Variants in RASGRF1 observed in about 807,000 individuals in gnomAD.
RASGRF1 encodes ras-specific guanine nucleotide-releasing factor 1.
A neutral mutation model predicts 138.7 loss-of-function variants in RASGRF1; 40 were observed. The observed-to-expected ratio is 0.29, with a 90% CI of 0.22 to 0.38. The LOEUF is 0.38. Among genes scored for constraint, RASGRF1 ranks in the 10% least tolerant of loss-of-function variants. The pLI is 1.00. For synonymous variants in RASGRF1, 614 were observed against 663.2 expected (o/e 0.93, Z 1.14); for missense variants, 1,108 against 1,650.4 (o/e 0.67, Z 5.69).
chr15:79,032,257 G>C lies in RASGRF1; in HGVS notation c.1018C>G (p.His340Asp). The C allele has an allele frequency of 6.2e-7, 1 of 1,614,058 alleles. No individual in the cohort carries two copies. The highest frequency in any genetic ancestry group is 8.5e-7 in the Non-Finnish European group (1 of 1,179,968). The change falls in exon 7 of 27, where the codon CAC becomes GAC. Residue 340 changes from histidine (H) to aspartate (D), a missense_variant. Coordinates refer to ENST00000558480, the MANE Select transcript of RASGRF1 (RefSeq NM_001145648.3). This position sits in a 1 kb window ranked among gnomAD's most constrained non-coding sequence, Gnocchi z 4.5. ...LNIYQEFVRN[H>D]QYSLQILAHC... is the part of the protein sequence containing the mutation. ...GCCAGGATCTGCAGGCTGTACTGGTGGTTGCGGACGAACTCTTGGTAGATG... is the reference window on the plus strand; with the variant it reads ...GCCAGGATCTGCAGGCTGTACTGGTCGTTGCGGACGAACTCTTGGTAGATG...
intron 13 of RASGRF1, among the ~76,000 whole-genome samples, chr15:79,008,055 C>T (rs1192713406): frequency 6.6e-6 from 1 of 151,816 alleles, no homozygotes; most frequent in Non-Finnish European, 1.5e-5. Flanking sequence ...GTTGGCCAGG[C>T]TGGTCTCAAA....
intron 13 of RASGRF1, among the ~76,000 whole-genome samples, chr15:79,011,419 T>C (rs2056792858): frequency 1.3e-5 from 2 of 152,178 alleles, no homozygotes; most frequent in South Asian, 4.1e-4. Flanking sequence ...GAGGGACCAA[T>C]GGCACTAAAT....
chr15:79,035,325 C>T (rs1165269294), intron 5 of RASGRF1, 115 bp from the exon 6 acceptor site: 1 of 781,444 alleles, frequency 1.3e-6, no homozygotes, highest in Non-Finnish European at 2.0e-6. Context: ...TCATGTGAGA[C>T]CTTAACGTGA....
At chr15:79,076,376 C>A (rs2141090610) in intron 1 of RASGRF1, among the ~76,000 whole-genome samples, 1 of 152,240 alleles carries the variant, frequency 6.6e-6, no homozygotes, top group Admixed American at 6.5e-5. Flanking sequence ...AGTTTGGAAC[C>A]CCTGAGGGAG....
intron 1 of RASGRF1, among the ~76,000 whole-genome samples, chr15:79,069,308 T>C (rs1750038445): frequency 6.6e-6 from 1 of 152,204 alleles, no homozygotes; most frequent in African/African-American, 2.4e-5. Flanking sequence ...TTGCACTTGC[T>C]AATAATGATT....
rs1391972412 is a variant in RASGRF1, at chr15:79,027,657, T to A, written c.1381+84A>T. The A allele has an allele frequency of 3.1e-6, 4 of 1,270,898 alleles. No individual in the cohort carries two copies. The Admixed American group carries it at 7.5e-5, about 24-fold the overall frequency. The allele number at this position is 1,270,898 out of a possible 1,614,324, so 78.7% of individuals were successfully genotyped here. On this transcript the variant is annotated intron_variant, in intron 9 of 26. Coordinates refer to ENST00000558480, the MANE Select transcript of RASGRF1 (RefSeq NM_001145648.3). The surrounding 1 kb of genome is among the most constrained non-coding windows in gnomAD (Gnocchi z 4.8). ...CTTGGCATGTGGCAGCCAAACCAAC[T>A]GGTGGCGTCCCCGAGTGCCGCCTCC...
At chr15:78,966,470 C>T (rs919486615) in intron 26 of RASGRF1, among the ~76,000 whole-genome samples, 1 of 151,934 alleles carries the variant, frequency 6.6e-6, no homozygotes, top group African/African-American at 2.4e-5. Context: ...AAACTTCTGG[C>T]CTCAAGCAAT....
chr15:79,008,970 C>A (rs1242886196), intron 13 of RASGRF1, among the ~76,000 whole-genome samples: 1 of 152,164 alleles, frequency 6.6e-6, no homozygotes, highest in Non-Finnish European at 1.5e-5. Context: ...CTTTGCCTTT[C>A]CCAAACATAA....
chr15:79,061,255 T>C (rs2057600101), intron 2 of RASGRF1, among the ~76,000 whole-genome samples: 1 of 151,978 alleles, frequency 6.6e-6, no homozygotes, highest in Non-Finnish European at 1.5e-5. Context: ...CACTGACTCT[T>C]TAATTTTAGC....
At chr15:79,023,461 A>C (rs117296430) in intron 10 of RASGRF1, among the ~76,000 whole-genome samples, 2,665 of 152,282 alleles carry the variant, frequency 0.018, 31 homozygotes, top group South Asian at 0.051. Flanking sequence ...AGCTCACAGC[A>C]ATGAGACAAG....
chr15:79,075,315 G>C (rs2057818076), intron 1 of RASGRF1, among the ~76,000 whole-genome samples: 1 of 152,182 alleles, frequency 6.6e-6, no homozygotes, highest in Non-Finnish European at 1.5e-5. Flanking sequence ...TGTCTTTGCT[G>C]GAGGAAATGT....
At chr15:78,968,250 A>ATGTGTGTGTGTGTGTGTG (rs10529968) in intron 26 of RASGRF1, among the ~76,000 whole-genome samples, 9,982 of 133,956 alleles carry the variant, frequency 0.075, 437 homozygotes, top group Non-Finnish European at 0.1. Flanking sequence ...CATGACACTG[A>ATGTGTGTGTGTGTGTGTG]TGTGTGTGTG....
intron 16 of RASGRF1, among the ~76,000 whole-genome samples, chr15:79,000,151 G>A (rs965345633): frequency 6.6e-6 from 1 of 152,164 alleles, no homozygotes; most frequent in African/African-American, 2.4e-5. Context: ...GCACACTCCT[G>A]CTTCTGAAAA....
intron 1 of RASGRF1, among the ~76,000 whole-genome samples, chr15:79,085,677 G>A (rs900454334): frequency 1.3e-5 from 2 of 152,174 alleles, no homozygotes; most frequent in Non-Finnish European, 2.9e-5. Flanking sequence ...GCAAGGCAGG[G>A]AGAAAGAGTC....
intron 1 of RASGRF1, among the ~76,000 whole-genome samples, chr15:79,079,060 C>T (rs905491162): frequency 6.6e-6 from 1 of 152,238 alleles, no homozygotes; most frequent in African/African-American, 2.4e-5. Flanking sequence ...CGAGGCTGTG[C>T]TTGACCCAAG....
intron 26 of RASGRF1, among the ~76,000 whole-genome samples, chr15:78,965,852 A>C (rs1406853258): frequency 6.6e-6 from 1 of 152,192 alleles, no homozygotes; most frequent in Non-Finnish European, 1.5e-5. Flanking sequence ...CTCCGTCTCA[A>C]AAATAAAATA....
intron 24 of RASGRF1, 145 bp downstream of exon 24, chr15:78,980,475 C>T: frequency 1.8e-6 from 1 of 569,798 alleles, no homozygotes; most frequent in Non-Finnish European, 3.1e-6. Context: ...CCATTGGGGT[C>T]CAGGAAATCT....
chr15:79,066,091 C>G (rs1567605884), intron 1 of RASGRF1, among the ~76,000 whole-genome samples: 1 of 152,034 alleles, frequency 6.6e-6, no homozygotes, highest in Non-Finnish European at 1.5e-5. Context: ...ACCCTGCCCC[C>G]CTAGAGGAGG....
chr15:79,084,607 C>T (rs2057955329), intron 1 of RASGRF1, among the ~76,000 whole-genome samples: 1 of 152,262 alleles, frequency 6.6e-6, no homozygotes, highest in Admixed American at 6.5e-5. Flanking sequence ...ACACACCACC[C>T]ACTGTCCTCC....
Sources: allele counts gnomAD v4.1 joint callset (sites outside exome capture counted in the v4.1 genomes callset), GRCh38; gene constraint gnomAD v4.1.1; non-coding constraint Gnocchi (gnomAD v3.1); transcripts MANE v1.5; gene names NCBI Gene and HGNC (gene_info 2026-07-23, HGNC 2026-07-21).